The following TBC1D1 variants were observed in gnomAD, a reference collection of about 807,000 sequenced individuals.
The protein encoded by TBC1D1 is TBC1 domain family member 1, also known as TBC1 (tre-2/USP6, BUB2, cdc16) domain family, member 1.
TBC1D1 carries 89 observed loss-of-function variants against 125.6 expected under a neutral mutation model. That is an observed-to-expected ratio of 0.71 (90% confidence interval 0.60 to 0.85). TBC1D1 has a LOEUF of 0.85. TBC1D1 is among the 40% of genes least tolerant of loss of function. TBC1D1 has a pLI of 0.00. For synonymous variants in TBC1D1, 565 were observed against 564.1 expected, an observed-to-expected ratio of 1.00 and a Z score of -0.02; for missense variants, 1,377 against 1,469.2, an observed-to-expected ratio of 0.94 and a Z score of 1.03.
At chr4:38,051,997 A>C in intron 11 of TBC1D1, 1 of 1,550,916 alleles carries the variant, frequency 6.4e-7, no homozygotes, top group African/African-American at 1.4e-5. Flanking sequence ...TCCTCGCCAA[A>C]CTTTTTTAAG....
chr4:38,092,365 C>T (rs765370713), intron 13 of TBC1D1, among the ~76,000 whole-genome samples: 3 of 152,088 alleles, frequency 2.0e-5, no homozygotes, highest in African/African-American at 4.8e-5. Context: ...AATAAAGACC[C>T]AAGACACTTC....
intron 12 of TBC1D1, among the ~76,000 whole-genome samples, chr4:38,080,256 G>A (rs914316269): frequency 4.6e-5 from 7 of 152,056 alleles, no homozygotes; most frequent in African/African-American, 1.7e-4. Flanking sequence ...TAATCACAGA[G>A]TGAACAATGT....
At chr4:38,090,968 A>G (rs1455605156) in intron 13 of TBC1D1, among the ~76,000 whole-genome samples, 1 of 152,230 alleles carries the variant, frequency 6.6e-6, no homozygotes, top group Admixed American at 6.5e-5. Context: ...AGAGCTAAAA[A>G]GTCATTAAGA....
chr4:38,006,542 A>G (rs1191914869), intron 2 of TBC1D1, among the ~76,000 whole-genome samples: 1 of 141,474 alleles, frequency 7.1e-6, no homozygotes, highest in East Asian at 2.1e-4. Context: ...GCAGTGGCAC[A>G]ATCTCGTCTC....
chr4:37,922,628 CT>C (rs1577870857), intron 2 of TBC1D1, among the ~76,000 whole-genome samples: 1 of 152,216 alleles, frequency 6.6e-6, no homozygotes, highest in African/African-American at 2.4e-5. Context: ...ATTCTCAGTT[CT>C]TTTTCTGTTT....
intron 2 of TBC1D1, among the ~76,000 whole-genome samples, chr4:38,011,189 CAAAAA>C (rs1741403059): frequency 6.6e-6 from 1 of 151,526 alleles, no homozygotes; most frequent in Non-Finnish European, 1.5e-5. Flanking sequence ...CCATCTCTAC[CAAAAA>C]AATACAAAAT....
At chr4:38,059,264 A>G (rs541730882) in intron 12 of TBC1D1, among the ~76,000 whole-genome samples, 7 of 152,306 alleles carry the variant, frequency 4.6e-5, no homozygotes, top group African/African-American at 1.7e-4. Flanking sequence ...TAAGAATTAC[A>G]GCCTTAAGTT....
intron 2 of TBC1D1, among the ~76,000 whole-genome samples, chr4:37,937,742 G>GT (rs1249812734): frequency 2.0e-5 from 3 of 152,174 alleles, no homozygotes; most frequent in East Asian, 3.8e-4. Flanking sequence ...GTAATTTGAA[G>GT]TTTTTTGCCT....
At chr4:37,942,845 A>C (rs1193807145) in intron 2 of TBC1D1, among the ~76,000 whole-genome samples, 1 of 152,078 alleles carries the variant, frequency 6.6e-6, no homozygotes, top group East Asian at 1.9e-4. Context: ...CGGCTAGGTT[A>C]ATATTGTTAT....
chr4:38,035,751 T>C, intron 8 of TBC1D1, 53 bp downstream of exon 8: 2 of 1,314,078 alleles, frequency 1.5e-6, no homozygotes, highest in Non-Finnish European at 1.1e-6. Context: ...CAAGTCTCTG[T>C]ATAAACAACG....
chr4:38,045,232 T>G (rs1303010630), intron 9 of TBC1D1, among the ~76,000 whole-genome samples: 3 of 152,248 alleles, frequency 2.0e-5, no homozygotes, highest in African/African-American at 7.2e-5. Flanking sequence ...TTCACACCTT[T>G]CTGGAGTGTG....
chr4:37,930,726 T>G (rs1272041071), intron 2 of TBC1D1, among the ~76,000 whole-genome samples: 1 of 152,248 alleles, frequency 6.6e-6, no homozygotes, highest in East Asian at 1.9e-4. Context: ...GTAACACTTT[T>G]AAGCAAATCT....
At chr4:38,058,431 ACT>A (rs1279407060) in intron 12 of TBC1D1, among the ~76,000 whole-genome samples, 1 of 151,782 alleles carries the variant, frequency 6.6e-6, no homozygotes, top group Non-Finnish European at 1.5e-5. Flanking sequence ...CGTGCACAAG[ACT>A]CTGTTCCTGA....
intron 2 of TBC1D1, among the ~76,000 whole-genome samples, chr4:37,920,810 T>G (rs1720783655): frequency 6.6e-6 from 1 of 151,844 alleles, no homozygotes; most frequent in Non-Finnish European, 1.5e-5. Context: ...GTAGGGAGTT[T>G]TAAGAATGGA....
intron 2 of TBC1D1, among the ~76,000 whole-genome samples, chr4:37,903,469 T>G (rs1451980505): frequency 6.6e-6 from 1 of 152,212 alleles, no homozygotes; most frequent in African/African-American, 2.4e-5. Flanking sequence ...CACATGTGAT[T>G]CAAGCTGTCT....
intron 12 of TBC1D1, among the ~76,000 whole-genome samples, chr4:38,064,768 C>T (rs909059806): frequency 2.6e-5 from 4 of 151,816 alleles, no homozygotes; most frequent in South Asian, 2.1e-4. Flanking sequence ...GGACTACAGG[C>T]GTGCGCTGCC....
Position 38,049,841 on chromosome 4 carries a change from C to T in TBC1D1, c.1853C>T (p.Ser618Leu), listed in dbSNP as rs1444527229. 13 of 1,614,036 alleles carry T rather than the reference C, an allele frequency of 8.1e-6. No individual in the cohort carries two copies. Among genetic ancestry groups the T allele is most frequent in the Non-Finnish European group, 9.3e-6 (11 of 1,180,000 alleles). ...CCTGCCCGGGGGTCCCCGGGGGTTT[C>T]GCAAAGGAAACTTATGAGGTATCAC... is the stretch of plus-strand genomic sequence containing the variant. The change falls in exon 11 of 20, where the codon TCG (serine) becomes TTG (leucine). Residue 618 changes from serine (S) to leucine (L), a missense_variant. Transcript: ENST00000261439.
At chr4:37,922,133 A>T (rs1455359954) in intron 2 of TBC1D1, among the ~76,000 whole-genome samples, 1 of 152,124 alleles carries the variant, frequency 6.6e-6, no homozygotes, top group Non-Finnish European at 1.5e-5. Flanking sequence ...AAAAATAATA[A>T]CCACAACTAA....
At chr4:38,027,318 A>G in intron 6 of TBC1D1, among the ~76,000 whole-genome samples, 1 of 152,256 alleles carries the variant, frequency 6.6e-6, no homozygotes, top group East Asian at 1.9e-4. Flanking sequence ...TAACAGTGAC[A>G]CTATTATCGA....
Sources: gnomAD v4.1 joint callset for allele counts (sites outside exome capture counted in the v4.1 genomes callset) on GRCh38, gnomAD v4.1.1 for gene constraint, MANE v1.5 for transcripts, NCBI Gene and HGNC (gene_info 2026-07-23, HGNC 2026-07-21) for gene names.